DNAH14: variants seen among roughly 807,000 people sequenced by gnomAD.
DNAH14 encodes axonemal beta dynein heavy chain 14.
Under a neutral mutation model 520.9 loss-of-function variants are expected in DNAH14, and 478 were observed. The ratio of observed to expected loss-of-function variants is 0.92; its 90% CI spans 0.85 to 0.99. DNAH14 has a LOEUF of 0.99. Among genes scored for constraint, DNAH14 ranks in the 50% least tolerant of loss-of-function variants. The pLI is 0.00. For synonymous variants in DNAH14, 1,581 were observed against 1,757.2 expected (o/e 0.90, Z 2.51); for missense variants, 4,831 against 5,234.5 (o/e 0.92, Z 2.38).
intron 64 of DNAH14, among the ~76,000 whole-genome samples, chr1:225,328,551 C>A (rs2094726325): frequency 6.6e-6 from 1 of 152,136 alleles, no homozygotes; most frequent in Non-Finnish European, 1.5e-5. Context: ...TCTCCTCACT[C>A]AGCTACATAC....
intron 27 of DNAH14, among the ~76,000 whole-genome samples, chr1:225,130,468 A>G (rs2078272273): frequency 6.6e-6 from 1 of 152,062 alleles, no homozygotes. Context: ...GCACATATAC[A>G]CCATGGAATA....
chr1:225,028,955 C>T (rs79436369), intron 11 of DNAH14, among the ~76,000 whole-genome samples: 26 of 151,870 alleles, frequency 1.7e-4, no homozygotes, highest in East Asian at 7.7e-4. Context: ...AGCCATTTAC[C>T]GCAAAAAGCA....
intron 25 of DNAH14, 26 bp downstream of exon 25, chr1:225,118,025 A>C: frequency 6.9e-7 from 1 of 1,459,168 alleles, no homozygotes; most frequent in Non-Finnish European, 9.4e-7. Flanking sequence ...CAAACTGTTT[A>C]GATTCTGTAC....
At chr1:224,941,051 G>A (rs926583910) in intron 1 of DNAH14, among the ~76,000 whole-genome samples, 9 of 152,142 alleles carry the variant, frequency 5.9e-5, no homozygotes, top group African/African-American at 9.7e-5. Flanking sequence ...GGATGGCTGG[G>A]TCAAATGGTA....
In DNAH14 at chr1:225,231,163, T is replaced by G; in HGVS notation, c.6518+12T>G. ...GATATAGAAAAGAGGTCAGTTACAT[T>G]CCTTCAGAAAACATGTTTTAATAAC... is the stretch of plus-strand genomic sequence containing the variant. On this transcript the variant is annotated intron_variant, in intron 42 of 85. Transcript: ENST00000682510. 3 of 1,528,272 alleles carry G rather than the reference T, an allele frequency of 2.0e-6. No homozygotes were observed. Among genetic ancestry groups the G allele is most frequent in the Non-Finnish European group, 2.6e-6 (3 of 1,134,728 alleles). The allele number at this position is 1,528,272 out of a possible 1,614,324, so 94.7% of individuals were successfully genotyped here.
intron 17 of DNAH14, among the ~76,000 whole-genome samples, chr1:225,074,443 A>C (rs190914353): frequency 2.0e-4 from 30 of 152,316 alleles, no homozygotes; most frequent in African/African-American, 7.2e-4. Context: ...TTTGTAGAGA[A>C]GCTGTGCTGT....
chr1:225,347,169 G>A (rs551254144), intron 71 of DNAH14, among the ~76,000 whole-genome samples: 3 of 152,220 alleles, frequency 2.0e-5, no homozygotes, highest in South Asian at 2.1e-4. Flanking sequence ...ATACAGTCAC[G>A]TTGTTATGCT....
intron 61 of DNAH14, 68 bp from the exon 62 acceptor site, chr1:225,322,596 T>G: frequency 5.9e-6 from 8 of 1,365,764 alleles, no homozygotes; most frequent in South Asian, 1.9e-5. Context: ...TATTGTCTTC[T>G]GAGATATTTA....
At chr1:225,007,729 TGCAAATAAATATA>T (rs2064292210) in intron 10 of DNAH14, among the ~76,000 whole-genome samples, 185 bp downstream of exon 10, 1 of 151,956 alleles carries the variant, frequency 6.6e-6, no homozygotes. Flanking sequence ...TGATATAAAA[TGCAAATAAATATA>T]TATTTATATA....
At chr1:225,266,057 T>C (rs1350779420) in intron 48 of DNAH14, among the ~76,000 whole-genome samples, 1 of 152,122 alleles carries the variant, frequency 6.6e-6, no homozygotes, top group Non-Finnish European at 1.5e-5. Flanking sequence ...ACACAGAGAT[T>C]ACAATCAGTA....
At chr1:224,956,310 T>C (rs1019933220) in intron 3 of DNAH14, among the ~76,000 whole-genome samples, 1 of 152,174 alleles carries the variant, frequency 6.6e-6, no homozygotes, top group African/African-American at 2.4e-5. Context: ...AGTCATGTAC[T>C]GCATAACGAC....
At chr1:225,384,624 C>A (rs1432033343) in intron 81 of DNAH14, among the ~76,000 whole-genome samples, 1 of 152,156 alleles carries the variant, frequency 6.6e-6, no homozygotes, top group Non-Finnish European at 1.5e-5. Flanking sequence ...ACTAAAAAAT[C>A]TAGAAGAAAT....
chr1:225,314,338 G>A (rs574506949), intron 60 of DNAH14, among the ~76,000 whole-genome samples: 6 of 152,232 alleles, frequency 3.9e-5, no homozygotes, highest in East Asian at 1.9e-4. Context: ...GTCTTTGCAC[G>A]TGAGATGGGT....
chr1:225,294,885 G>T (rs545936798), intron 55 of DNAH14, among the ~76,000 whole-genome samples: 5 of 151,162 alleles, frequency 3.3e-5, no homozygotes, highest in East Asian at 3.9e-4. Flanking sequence ...ATTTTTTGTT[G>T]TTGTTGTTGT....
chr1:225,378,879 C>CAAAAAAAAAA (rs113657495), intron 79 of DNAH14, among the ~76,000 whole-genome samples: 1 of 135,380 alleles, frequency 7.4e-6, no homozygotes, highest in African/African-American at 2.8e-5. Flanking sequence ...AACTCCGTCC[C>CAAAAAAAAAA]AAAAAAAAAA....
rs1179308340 is a variant in DNAH14, at chr1:225,259,187, C to T, written c.7091C>T (p.Ala2364Val). The T allele has an allele frequency of 1.3e-6, 2 of 1,545,410 alleles. No individual in the cohort carries two copies. Among genetic ancestry groups the T allele is most frequent in the Non-Finnish European group, 1.7e-6 (2 of 1,144,344 alleles). The stretch of plus-strand genomic sequence containing the variant: ...CTTGAAAAGCTAGAGGGTCCAGGAG[C>T]ATTTGACATAAAACATGGTTCAATT... ...QMLEKLEGPG[A>V]FDIKHGSILG... The change falls in exon 46 of 86, where the codon GCA (alanine) becomes GTA (valine). Residue 2364 changes from alanine (A) to valine (V), a missense_variant. Ala to Val is a moderately conservative substitution (Grantham distance 64, BLOSUM62 0). Transcript: ENST00000682510.
intron 71 of DNAH14, among the ~76,000 whole-genome samples, chr1:225,349,557 G>A (rs1423367092): frequency 6.6e-6 from 1 of 152,108 alleles, no homozygotes; most frequent in Non-Finnish European, 1.5e-5. Context: ...CTGTCTACAG[G>A]AGACTCACAT....
At chr1:224,947,721 A>C (rs145827798) in intron 1 of DNAH14, among the ~76,000 whole-genome samples, 1 of 152,106 alleles carries the variant, frequency 6.6e-6, no homozygotes, top group African/African-American at 2.4e-5. Context: ...CTTTAGCTGC[A>C]TCTCACAAGT....
At chr1:224,973,300 C>T (rs2125640527) in intron 7 of DNAH14, among the ~76,000 whole-genome samples, 1 of 141,308 alleles carries the variant, frequency 7.1e-6, no homozygotes, top group East Asian at 2.1e-4. Flanking sequence ...CAGACACACC[C>T]CTATCCCCAC....
Sources: allele counts gnomAD v4.1 joint callset (sites outside exome capture counted in the v4.1 genomes callset), GRCh38; gene constraint gnomAD v4.1.1; transcripts MANE v1.5; gene names NCBI Gene and HGNC (gene_info 2026-07-23, HGNC 2026-07-21).